The following RIPOR2 variants were observed in gnomAD, a reference collection of about 807,000 sequenced individuals.
RIPOR2 encodes the protein RHO family interacting cell polarization regulator 2.
Under a neutral mutation model 114.5 loss-of-function variants are expected in RIPOR2, and 39 were observed. The observed-to-expected ratio is 0.34, with a 90% CI of 0.26 to 0.44. RIPOR2 has a LOEUF of 0.44. Among genes scored for constraint, RIPOR2 ranks in the 20% least tolerant of loss-of-function variants. The probability of loss-of-function intolerance (pLI) is 1.00; values close to 1 mark genes in which losing one functional copy is unlikely to be tolerated. For synonymous variants in RIPOR2, 445 were observed against 484.4 expected, an observed-to-expected ratio of 0.92 and a Z score of 1.07; for missense variants, 1,007 against 1,255.1, an observed-to-expected ratio of 0.80 and a Z score of 2.99.
intron 1 of RIPOR2, among the ~76,000 whole-genome samples, chr6:24,916,619 A>C (rs1214897090): frequency 6.6e-6 from 1 of 152,212 alleles, no homozygotes. Flanking sequence ...AGCATATTTC[A>C]ACCCGACAAG....
chr6:24,881,296 A>G (rs552941483), intron 1 of RIPOR2, among the ~76,000 whole-genome samples: 1 of 152,266 alleles, frequency 6.6e-6, no homozygotes, highest in South Asian at 2.1e-4. Flanking sequence ...AAATTCCAGC[A>G]TAACTAATAT....
At chr6:24,879,777 G>C (rs578141565) in intron 1 of RIPOR2, among the ~76,000 whole-genome samples, 89 of 152,190 alleles carry the variant, frequency 5.8e-4, no homozygotes, top group Non-Finnish European at 9.0e-4. Flanking sequence ...GCACCTCTTC[G>C]TTATCAACTG....
intron 1 of RIPOR2, among the ~76,000 whole-genome samples, chr6:24,972,154 A>G (rs1210224705): frequency 6.6e-6 from 1 of 152,180 alleles, no homozygotes; most frequent in African/African-American, 2.4e-5. Flanking sequence ...ATGGCATGTA[A>G]CAGGGTAAAG....
intron 1 of RIPOR2, among the ~76,000 whole-genome samples, chr6:24,949,476 G>T (rs1216242169): frequency 6.6e-6 from 1 of 152,198 alleles, no homozygotes; most frequent in East Asian, 1.9e-4. Flanking sequence ...CTCTGCACGT[G>T]AAGGGTCTCA....
intron 1 of RIPOR2, among the ~76,000 whole-genome samples, chr6:24,888,023 C>A (rs1766989233): frequency 6.6e-6 from 1 of 152,038 alleles, no homozygotes; most frequent in Admixed American, 6.6e-5. Context: ...AAACCAGGAC[C>A]AACTGTTTCC....
intron 1 of RIPOR2, among the ~76,000 whole-genome samples, chr6:24,932,249 A>G (rs568207926): frequency 6.6e-6 from 1 of 152,268 alleles, no homozygotes. Flanking sequence ...GGAAAGATTA[A>G]GCCTACTTGA....
chr6:24,916,337 G>C (rs1392995416), intron 1 of RIPOR2, among the ~76,000 whole-genome samples: 2 of 152,172 alleles, frequency 1.3e-5, no homozygotes, highest in African/African-American at 4.8e-5. Flanking sequence ...TCTGTCCCCT[G>C]AGTGCAGACT....
intron 1 of RIPOR2, among the ~76,000 whole-genome samples, chr6:25,019,653 A>G (rs1369227536): frequency 6.6e-6 from 1 of 151,160 alleles, no homozygotes; most frequent in Non-Finnish European, 1.5e-5. Flanking sequence ...ACGTGCCTGT[A>G]AGTCCTGGCT....
At chr6:24,906,013 A>G (rs916095997) in intron 1 of RIPOR2, among the ~76,000 whole-genome samples, 5 of 152,232 alleles carry the variant, frequency 3.3e-5, no homozygotes, top group Admixed American at 6.5e-5. Flanking sequence ...AGAGGCAAAT[A>G]CAAGAAAGAA....
chr6:24,851,605 A>G (rs543369644), intron 9 of RIPOR2, among the ~76,000 whole-genome samples: 6 of 152,292 alleles, frequency 3.9e-5, no homozygotes, highest in South Asian at 4.1e-4. Flanking sequence ...AAATGGTTAT[A>G]TAAGTTTCCT....
intron 8 of RIPOR2, among the ~76,000 whole-genome samples, chr6:24,854,919 C>T (rs1189648549): frequency 4.1e-5 from 6 of 147,194 alleles, no homozygotes; most frequent in Admixed American, 7.0e-5. Context: ...CCCAGCTACT[C>T]GGGAGGCTGA....
At chr6:24,919,740 T>G (rs1770336291) in intron 1 of RIPOR2, among the ~76,000 whole-genome samples, 1 of 152,204 alleles carries the variant, frequency 6.6e-6, no homozygotes, top group South Asian at 2.1e-4. Context: ...CTCTGAGAAG[T>G]GCCTCTCAGC....
chr6:24,995,810 T>A (rs964518279), intron 1 of RIPOR2, among the ~76,000 whole-genome samples: 20 of 151,476 alleles, frequency 1.3e-4, no homozygotes, highest in African/African-American at 4.1e-4. Flanking sequence ...ATTTTTTTTT[T>A]TTTTTTTTTG....
At chr6:24,986,654 G>T (rs1774541647) in intron 1 of RIPOR2, among the ~76,000 whole-genome samples, 1 of 152,174 alleles carries the variant, frequency 6.6e-6, no homozygotes, top group Non-Finnish European at 1.5e-5. Flanking sequence ...GAAACGCTCT[G>T]CTTGGCGCTG....
Position 25,037,105 on chromosome 6 carries a change from A to T in RIPOR2, c.76+4746T>A, listed in dbSNP as rs1010921869. 2.0e-5 allele frequency among the ~76,000 whole-genome samples: 3 copies of T among 152,120 alleles called. No individual in the cohort carries two copies. The highest frequency in any genetic ancestry group is 4.4e-5 in the Non-Finnish European group (3 of 68,016). On this transcript the variant is annotated intron_variant, in intron 1 of 13. Coordinates refer to the RIPOR2 transcript ENST00000510784. This position sits in a 1 kb window ranked among gnomAD's most constrained non-coding sequence, Gnocchi z 4.5. ...CTGTGCTAGGCACTTGACATATTTT[A>T]TGTCTTTTAATCCCCTCCAATAACA... is the stretch of plus-strand genomic sequence containing the variant.
intron 1 of RIPOR2, among the ~76,000 whole-genome samples, chr6:24,921,004 A>G (rs1031323723): frequency 1.3e-5 from 2 of 152,184 alleles, no homozygotes; most frequent in Non-Finnish European, 2.9e-5. Flanking sequence ...TTCCAAGACA[A>G]CAGTCAGAAT....
intron 16 of RIPOR2, among the ~76,000 whole-genome samples, chr6:24,831,919 C>T (rs1760718587): frequency 6.6e-6 from 1 of 152,172 alleles, no homozygotes; most frequent in Non-Finnish European, 1.5e-5. Flanking sequence ...TAGCCACCTC[C>T]AGGGTGCAAG....
intron 1 of RIPOR2, among the ~76,000 whole-genome samples, chr6:25,041,613 A>G (rs1230285011): frequency 1.3e-5 from 2 of 152,236 alleles, no homozygotes; most frequent in Non-Finnish European, 2.9e-5. Flanking sequence ...CTTGCTCACC[A>G]CTTGAAACAA....
intron 1 of RIPOR2, among the ~76,000 whole-genome samples, chr6:24,923,396 T>A (rs1331647288): frequency 1.3e-5 from 2 of 152,206 alleles, no homozygotes; most frequent in Non-Finnish European, 1.5e-5. Context: ...AGAAGTGGAA[T>A]TGTTGGATCA....
Sources: allele counts gnomAD v4.1 joint callset (sites outside exome capture counted in the v4.1 genomes callset), GRCh38; gene constraint gnomAD v4.1.1; non-coding constraint Gnocchi (gnomAD v3.1); transcripts MANE v1.5; gene names NCBI Gene and HGNC (gene_info 2026-07-23, HGNC 2026-07-21).